MMP16: variants seen among roughly 807,000 people sequenced by gnomAD.
The protein encoded by MMP16 is matrix metallopeptidase 16, also known as matrix metalloproteinase-16.
Under a neutral mutation model 67.8 loss-of-function variants are expected in MMP16, and 12 were observed. That is an observed-to-expected ratio of 0.18 (90% CI 0.11 to 0.29). The LOEUF (loss-of-function observed/expected upper bound fraction) is 0.29, where lower values mean the gene tolerates loss of function less well. Ranked by LOEUF, MMP16 falls within the 10% of genes least tolerant of loss-of-function variation. The pLI is 1.00. For missense variants in MMP16, 475 were observed against 765.7 expected, an observed-to-expected ratio of 0.62 and a Z score of 4.48; for synonymous variants, 249 against 255.9, an observed-to-expected ratio of 0.97 and a Z score of 0.26.
chr8:88,243,926 A>G (rs1810071205), intron 1 of MMP16, among the ~76,000 whole-genome samples: 1 of 152,190 alleles, frequency 6.6e-6, no homozygotes, highest in South Asian at 2.1e-4. Flanking sequence ...CAAAGTATCA[A>G]TGGAGAGGGA....
chr8:88,263,653 T>C (rs1810425185), intron 1 of MMP16, among the ~76,000 whole-genome samples: 1 of 152,170 alleles, frequency 6.6e-6, no homozygotes, highest in African/African-American at 2.4e-5. Flanking sequence ...TTTCAAATCA[T>C]CTTCCCTCTG....
intron 1 of MMP16, among the ~76,000 whole-genome samples, chr8:88,324,228 C>T (rs1811504224): frequency 6.6e-6 from 1 of 152,106 alleles, no homozygotes; most frequent in African/African-American, 2.4e-5. Flanking sequence ...CCAAGCAAAA[C>T]CAAATGCACT....
chr8:88,097,025 G>C (rs1325279387), intron 6 of MMP16, among the ~76,000 whole-genome samples: 2 of 151,804 alleles, frequency 1.3e-5, no homozygotes, highest in Non-Finnish European at 2.9e-5. Context: ...TTCCACTGTA[G>C]GTTTTAGTTC....
At chr8:88,149,813 C>T (rs1046005366) in intron 4 of MMP16, among the ~76,000 whole-genome samples, 4 of 151,580 alleles carry the variant, frequency 2.6e-5, no homozygotes, top group Non-Finnish European at 5.9e-5. Flanking sequence ...GCCTCTCCTC[C>T]TCCAAAGGAA....
intron 1 of MMP16, among the ~76,000 whole-genome samples, chr8:88,222,646 A>G (rs1426855253): frequency 2.0e-5 from 3 of 152,208 alleles, no homozygotes; most frequent in African/African-American, 7.2e-5. Context: ...AGCCATAAGT[A>G]GAAAGCTAAA....
At position 88,186,688 on chromosome 8, in the gene MMP16, A is replaced by G. The variant is rs796564570; in HGVS notation, c.282-90T>C. ...ATTAAATTCAAAAGAAAATCAATTA[A>G]GAGGTTAATCTGAGACAGTGATGAT... is the stretch of plus-strand genomic sequence containing the variant. On this transcript the variant is annotated intron_variant, in intron 2 of 9. Coordinates refer to ENST00000286614, the MANE Select transcript of MMP16 (RefSeq NM_005941.5). The G allele has an allele frequency of 1.2e-4, 181 of 1,505,348 alleles. 1 individual carries two copies. In the African/African-American group the frequency reaches 2.2e-3, roughly 18 times the overall value. 93.2% of individuals were successfully genotyped at this position (1,505,348 alleles called of 1,614,324 possible).
Position 88,035,569 on chromosome 8 carries a change from A to C in MMP16, c.*5892T>G, listed in dbSNP as rs540012143. On this transcript the variant is annotated 3_prime_UTR_variant, in exon 10 of 10. Transcript: ENST00000286614. The surrounding 1 kb of genome is among the most constrained non-coding windows in gnomAD (Gnocchi z 4.7). ...GCCCTTATTTGCCTTAGAAAACATT[A>C]GTTATGAATGTCTGTGAAGTCTCCG... 6.6e-6 allele frequency: 1 copy of C among 152,122 alleles called. No individual in the cohort carries two copies. Among genetic ancestry groups the C allele is most frequent in the East Asian group, 1.9e-4 (1 of 5,178 alleles). 9.4% of individuals were successfully genotyped at this position (152,122 alleles called of 1,614,324 possible). A position where few individuals can be genotyped will look rare whatever the true frequency, so the allele number is the denominator to read the frequency against.
chr8:88,297,889 G>A (rs564906698), intron 1 of MMP16, among the ~76,000 whole-genome samples: 5 of 152,274 alleles, frequency 3.3e-5, no homozygotes, highest in East Asian at 3.9e-4. Flanking sequence ...GCAAAGTGCC[G>A]AAAATGTGGC....
At chr8:88,223,459 A>T (rs868039924) in intron 1 of MMP16, among the ~76,000 whole-genome samples, 3 of 152,004 alleles carry the variant, frequency 2.0e-5, no homozygotes, top group Non-Finnish European at 4.4e-5. Flanking sequence ...TCCATCAATG[A>T]TAGACTGGAT....
intron 5 of MMP16, among the ~76,000 whole-genome samples, chr8:88,118,132 C>A (rs540185162): frequency 3.6e-4 from 55 of 152,110 alleles, no homozygotes; most frequent in Non-Finnish European, 5.6e-4. Flanking sequence ...ATAAACTTCA[C>A]CACTTGTTAA....
At chr8:88,156,342 C>T (rs1468020524) in intron 4 of MMP16, among the ~76,000 whole-genome samples, 1 of 151,952 alleles carries the variant, frequency 6.6e-6, no homozygotes, top group Non-Finnish European at 1.5e-5. Context: ...TTCCTTATGC[C>T]CACAGTCTTC....
At chr8:88,225,490 C>A (rs955016940) in intron 1 of MMP16, among the ~76,000 whole-genome samples, 2 of 151,592 alleles carry the variant, frequency 1.3e-5, no homozygotes, top group African/African-American at 4.8e-5. Context: ...TAACAATATC[C>A]AAAAACAATG....
intron 1 of MMP16, among the ~76,000 whole-genome samples, chr8:88,232,333 C>A (rs921037764): frequency 6.6e-6 from 1 of 152,044 alleles, no homozygotes; most frequent in African/African-American, 2.4e-5. Flanking sequence ...AATCTCCCAA[C>A]GGGTCAGGGA....
Position 88,202,957 on chromosome 8 carries a change from C to A in MMP16, c.133-5651G>T, listed in dbSNP as rs1167873663. 3.3e-5 allele frequency among the ~76,000 whole-genome samples: 5 copies of A among 151,716 alleles called. No homozygotes were observed. In the East Asian group the frequency reaches 9.7e-4, roughly 29 times the overall value. ...ACTTACTTGAGTCTGTCATGTGAGT[C>A]ACAGACTCAACTCGCCTTTATTTAC... On this transcript the variant is annotated intron_variant, in intron 1 of 9. Transcript: ENST00000286614.
At chr8:88,320,902 C>G (rs987798265) in intron 1 of MMP16, among the ~76,000 whole-genome samples, 2 of 152,076 alleles carry the variant, frequency 1.3e-5, no homozygotes, top group African/African-American at 4.8e-5. Flanking sequence ...CAATGCCAAA[C>G]AGTTGTGGTG....
At chr8:88,252,646 CA>C (rs10715771) in intron 1 of MMP16, among the ~76,000 whole-genome samples, 121,096 of 128,128 alleles carry the variant, frequency 0.95, 57,118 homozygotes, top group East Asian at 0.98. Flanking sequence ...CACCTCTTAG[CA>C]AAAAAAAAAA....
intron 1 of MMP16, among the ~76,000 whole-genome samples, chr8:88,299,904 A>G (rs1811071476): frequency 6.6e-6 from 1 of 152,256 alleles, no homozygotes. Flanking sequence ...TCCAGATTAT[A>G]TAAACAGCAA....
At chr8:88,287,911 G>A (rs1313853920) in intron 1 of MMP16, among the ~76,000 whole-genome samples, 1 of 152,154 alleles carries the variant, frequency 6.6e-6, no homozygotes, top group Non-Finnish European at 1.5e-5. Flanking sequence ...ATTTGCTAAA[G>A]GCAACTGTAA....
intron 4 of MMP16, among the ~76,000 whole-genome samples, chr8:88,157,056 A>T (rs560174037): frequency 6.6e-6 from 1 of 152,102 alleles, no homozygotes. Context: ...TTGTGATTAG[A>T]TGTGATCATA....
Sources: allele counts gnomAD v4.1 joint callset (sites outside exome capture counted in the v4.1 genomes callset), GRCh38; gene constraint gnomAD v4.1.1; non-coding constraint Gnocchi (gnomAD v3.1); transcripts MANE v1.5; gene names NCBI Gene and HGNC (gene_info 2026-07-23, HGNC 2026-07-21).